The following HMBOX1 variants were observed in gnomAD, a reference collection of about 807,000 sequenced individuals.
HMBOX1 encodes the protein homeobox-containing protein 1.
Under a neutral mutation model 54.5 loss-of-function variants are expected in HMBOX1, and 14 were observed. The ratio of observed to expected loss-of-function variants is 0.26; its 90% CI spans 0.17 to 0.40. The LOEUF is 0.40. HMBOX1 is among the 10% of genes least tolerant of loss of function. HMBOX1 has a pLI of 1.00. For missense variants in HMBOX1, 332 were observed against 514.4 expected, an observed-to-expected ratio of 0.65 and a Z score of 3.43; for synonymous variants, 160 against 181.0, an observed-to-expected ratio of 0.88 and a Z score of 0.93.
intron 1 of HMBOX1, among the ~76,000 whole-genome samples, chr8:28,931,628 A>G (rs1819485490): frequency 6.6e-6 from 1 of 151,786 alleles, no homozygotes; most frequent in Non-Finnish European, 1.5e-5. Flanking sequence ...TGCAGCCTCT[A>G]CCTCCCAGGC....
intron 1 of HMBOX1, chr8:28,915,670 G>A (rs1816406594): frequency 6.6e-6 from 1 of 151,460 alleles, no homozygotes; most frequent in African/African-American, 2.4e-5. Flanking sequence ...TTTCTAACTT[G>A]GGCTGGATCA....
At chr8:28,990,857 T>C (rs1049091000) in intron 4 of HMBOX1, among the ~76,000 whole-genome samples, 3 of 152,158 alleles carry the variant, frequency 2.0e-5, no homozygotes, top group African/African-American at 7.2e-5. Context: ...ATTCAACATG[T>C]TGGCCAGGCT....
At chr8:29,038,510 C>T (rs959104458) in intron 6 of HMBOX1, among the ~76,000 whole-genome samples, 6 of 152,174 alleles carry the variant, frequency 3.9e-5, no homozygotes, top group Non-Finnish European at 8.8e-5. Flanking sequence ...AACAGGTCCC[C>T]TTTAGAGTCC....
chr8:28,985,315 G>A (rs1830004252), intron 4 of HMBOX1, among the ~76,000 whole-genome samples: 1 of 152,092 alleles, frequency 6.6e-6, no homozygotes, highest in South Asian at 2.1e-4. Flanking sequence ...TCTCTCTTGG[G>A]TCTCTTTTAT....
chr8:29,020,106 G>A (rs1480104266), intron 6 of HMBOX1, among the ~76,000 whole-genome samples: 1 of 152,158 alleles, frequency 6.6e-6, no homozygotes, highest in Non-Finnish European at 1.5e-5. Flanking sequence ...CTGGAGACCT[G>A]ACATTTACAA....
intron 1 of HMBOX1, among the ~76,000 whole-genome samples, chr8:28,922,691 A>C (rs1050830974): frequency 1.3e-5 from 2 of 152,144 alleles, no homozygotes; most frequent in Admixed American, 1.3e-4. Flanking sequence ...TTATTTTCTT[A>C]AATTATTCTT....
chr8:28,969,225 A>G lies in HMBOX1; in HGVS notation c.24-818A>G, dbSNP rs140486493. On this transcript the variant is annotated intron_variant, in intron 2 of 9. Transcript: ENST00000287701. ...AGGGATTCAAGCAGTGAGAATTTTTATAGTATTTGACTACTCCCTTAATAT... is the reference window on the plus strand; with the variant it reads ...AGGGATTCAAGCAGTGAGAATTTTTGTAGTATTTGACTACTCCCTTAATAT... 1.3e-3 allele frequency among the ~76,000 whole-genome samples: 198 copies of G among 152,330 alleles called. 1 individual carries two copies. Among genetic ancestry groups the G allele is most frequent in the African/African-American group, 4.5e-3 (187 of 41,572 alleles).
Position 28,947,071 on chromosome 8 carries a change from A to T in HMBOX1, c.-57-16740A>T, listed in dbSNP as rs150563136. On this transcript the variant is annotated intron_variant, in intron 1 of 9. Transcript: ENST00000287701. ...GAGAGAAAATGTGATGCTTATCTGT[A>T]GCCCAGGTTTTTAAAGACGGGTGTG... 6.6e-5 allele frequency among the ~76,000 whole-genome samples: 10 copies of T among 152,350 alleles called. No individual in the cohort carries two copies. In the East Asian group the frequency reaches 1.9e-3, roughly 29 times the overall value.
intron 6 of HMBOX1, among the ~76,000 whole-genome samples, chr8:29,027,155 C>T (rs1246050806): frequency 6.6e-6 from 1 of 152,016 alleles, no homozygotes; most frequent in Non-Finnish European, 1.5e-5. Context: ...TTTACATATT[C>T]TCAAGGGGAA....
intron 1 of HMBOX1, chr8:28,915,487 G>C (rs1471554165): frequency 6.6e-6 from 1 of 150,708 alleles, no homozygotes; most frequent in Non-Finnish European, 1.5e-5. Flanking sequence ...AACCCGGGAG[G>C]TGGAGCTTGC....
At chr8:28,920,002 T>A (rs1298342156) in intron 1 of HMBOX1, among the ~76,000 whole-genome samples, 1 of 150,880 alleles carries the variant, frequency 6.6e-6, no homozygotes, top group Non-Finnish European at 1.5e-5. Flanking sequence ...TGTGTGTGTG[T>A]TTTTCAATAG....
chr8:29,009,508 T>G, intron 5 of HMBOX1: 2 of 896,752 alleles, frequency 2.2e-6, no homozygotes, highest in Non-Finnish European at 2.7e-6. Flanking sequence ...CATAACTACG[T>G]AAGATTCCGT....
chr8:29,010,230 A>G, intron 5 of HMBOX1: 2 of 699,436 alleles, frequency 2.9e-6, no homozygotes, highest in Non-Finnish European at 3.5e-6. Flanking sequence ...AGACTAACAC[A>G]GTAGACACCT....
At chr8:28,977,009 A>G (rs768914662) in intron 3 of HMBOX1, among the ~76,000 whole-genome samples, 5 of 151,956 alleles carry the variant, frequency 3.3e-5, no homozygotes, top group Non-Finnish European at 7.4e-5. Flanking sequence ...GTGCCTGGCT[A>G]TTTCTATGTT....
At chr8:28,929,617 G>A (rs1819128101) in intron 1 of HMBOX1, among the ~76,000 whole-genome samples, 1 of 152,148 alleles carries the variant, frequency 6.6e-6, no homozygotes, top group South Asian at 2.1e-4. Flanking sequence ...GAACTAGGAT[G>A]GTTGTTATTG....
At chr8:28,934,564 G>A (rs1820047764) in intron 1 of HMBOX1, among the ~76,000 whole-genome samples, 1 of 152,074 alleles carries the variant, frequency 6.6e-6, no homozygotes, top group South Asian at 2.1e-4. Context: ...AAATCCTAAG[G>A]GATATGTTTG....
chr8:28,973,120 CT>C (rs1827709056), intron 3 of HMBOX1, among the ~76,000 whole-genome samples: 1 of 152,166 alleles, frequency 6.6e-6, no homozygotes, highest in Non-Finnish European at 1.5e-5. Flanking sequence ...TTGTGTCCCC[CT>C]CTCACGATTC....
At chr8:28,989,133 A>G (rs2137472) in intron 4 of HMBOX1, among the ~76,000 whole-genome samples, 88,392 of 151,826 alleles carry the variant, frequency 0.58, 26,679 homozygotes, top group East Asian at 0.69. Flanking sequence ...TTAGCCGGGC[A>G]TGGTGGTGCT....
intron 4 of HMBOX1, among the ~76,000 whole-genome samples, chr8:29,000,943 T>G (rs140314572): frequency 2.3e-3 from 351 of 152,348 alleles, no homozygotes; most frequent in African/African-American, 8.0e-3. Context: ...TGGTAATTTC[T>G]AAAATTCTGA....
Sources: allele counts gnomAD v4.1 joint callset (sites outside exome capture counted in the v4.1 genomes callset), GRCh38; gene constraint gnomAD v4.1.1; transcripts MANE v1.5; gene names NCBI Gene and HGNC (gene_info 2026-07-23, HGNC 2026-07-21).